The following IL17RC variants were observed in gnomAD, a reference collection of about 807,000 sequenced individuals.
IL17RC encodes the protein interleukin 17 receptor C.
In IL17RC, 53 loss-of-function variants were observed where a neutral mutation model predicts 86.7. The ratio of observed to expected loss-of-function variants is 0.61; its 90% CI spans 0.49 to 0.77. The LOEUF (loss-of-function observed/expected upper bound fraction) is 0.77, where lower values mean the gene tolerates loss of function less well. IL17RC is among the 30% of genes least tolerant of loss of function. IL17RC has a pLI of 0.00. For synonymous variants in IL17RC, 439 were observed against 413.1 expected, an observed-to-expected ratio of 1.06 and a Z score of -0.76; for missense variants, 957 against 940.0, an observed-to-expected ratio of 1.02 and a Z score of -0.24.
At position 9,933,242 on chromosome 3, in the gene IL17RC, C is replaced by G. The variant is rs181990653; in HGVS notation, c.1812C>G (p.Gly604=). 2,356 of 1,605,280 alleles carry G rather than the reference C, an allele frequency of 1.5e-3. 26 individuals are homozygous for G. In the Admixed American group the frequency reaches 0.019, roughly 13 times the overall value. Residue 604 remains glycine, a synonymous_variant, in exon 19 of 19, where the codon GGC becomes GGG. Coordinates refer to ENST00000403601, the MANE Select transcript of IL17RC (RefSeq NM_153460.4). The stretch of plus-strand genomic sequence containing the variant: ...GGGTGTCCGGGCCCGGGGCGCACGG[C>G]CCGCACGACGCCTTCCGCGCCTCGC... ...QDGVSGPGAH[G]PHDAFRASLS... is the part of the protein sequence containing the mutation.
chr3:9,918,297 G>A, intron 3 of IL17RC, 38 bp from the exon 4 acceptor site: 1 of 1,531,734 alleles, frequency 6.5e-7, no homozygotes, highest in Non-Finnish European at 8.9e-7. Flanking sequence ...CCCAGAGCAG[G>A]GGGCCTCACC....
In IL17RC at chr3:9,930,486, C is replaced by T; in HGVS notation, c.1338+27C>T. On this transcript the variant is annotated intron_variant, in intron 15 of 18. Coordinates refer to ENST00000403601, the MANE Select transcript of IL17RC (RefSeq NM_153460.4). The surrounding 1 kb of genome is among the most constrained non-coding windows in gnomAD (Gnocchi z 5.8). ...TGAGCTGGTGGAAGAAGGGCCCCAC[C>T]TCAATGCCTAGGGGCAACAGGCCTA... 6.2e-7 allele frequency: 1 copy of T among 1,610,130 alleles called. No homozygotes were observed. The highest frequency in any genetic ancestry group is 1.1e-5 in the South Asian group (1 of 90,948).
Position 9,932,960 on chromosome 3 carries a change from C to G in IL17RC, c.1530C>G (p.Ala510=). The change falls in exon 19 of 19, where the codon GCC becomes GCG. Residue 510 remains alanine (A), a synonymous_variant. Coordinates refer to ENST00000403601, the MANE Select transcript of IL17RC (RefSeq NM_153460.4). ...ATCTGTTTTCTCCGGCAGCGGCCGC[C>G]AGGGGCCGCGCGGCTCTGCTCCTCT... The part of the protein sequence containing the change: ...LKQDVRSGAA[A]RGRAALLLYS... The G allele has an allele frequency of 6.2e-7, 1 of 1,607,334 alleles. No homozygotes were observed. Among genetic ancestry groups the G allele is most frequent in the Non-Finnish European group, 8.5e-7 (1 of 1,178,324 alleles).
rs1447362730 is a variant in IL17RC, at chr3:9,928,654, G to C, written c.1110+24G>C. ...AGGTCAGAAAGGGGTGCATAGTGCTGGGCTGGAGGCTGGACCTGGGCAGAC... is the reference window on the plus strand; with the variant it reads ...AGGTCAGAAAGGGGTGCATAGTGCTCGGCTGGAGGCTGGACCTGGGCAGAC... On this transcript the variant is annotated intron_variant, in intron 12 of 18. Coordinates refer to ENST00000403601, the MANE Select transcript of IL17RC (RefSeq NM_153460.4). 1.9e-6 allele frequency: 3 copies of C among 1,613,158 alleles called. No homozygotes were observed. The South Asian group carries it at 3.3e-5, about 18-fold the overall frequency.
chr3:9,919,546 A>T (rs1486092162), intron 5 of IL17RC, among the ~76,000 whole-genome samples: 9 of 152,010 alleles, frequency 5.9e-5, no homozygotes, highest in African/African-American at 9.7e-5. Context: ...CTCGGGAGGC[A>T]GAGGCAGGAG....
chr3:9,928,870 T>C (rs559432279), intron 12 of IL17RC, among the ~76,000 whole-genome samples: 1 of 152,320 alleles, frequency 6.6e-6, no homozygotes, highest in Non-Finnish European at 1.5e-5. Context: ...GGAGTGGTTG[T>C]GACAATGAAA....
chr3:9,929,518 G>A, intron 12 of IL17RC: 7 of 373,272 alleles, frequency 1.9e-5, no homozygotes, highest in South Asian at 1.7e-4. Flanking sequence ...CATGGGAAAG[G>A]GATAAGGTGG....
Position 9,932,869 on chromosome 3 carries a change from G to A in IL17RC, c.1522+11G>A. Reference sequence around the variant, plus strand: ...ACGTCCGCTCGGGGGGTGAGTGGGAGCAAGCGCTGGGCGGAGGGCCGCCCC... The same window carrying A: ...ACGTCCGCTCGGGGGGTGAGTGGGAACAAGCGCTGGGCGGAGGGCCGCCCC... On this transcript the variant is annotated intron_variant, in intron 18 of 18. Coordinates refer to ENST00000403601, the MANE Select transcript of IL17RC (RefSeq NM_153460.4). 1 of 1,581,106 alleles carries A rather than the reference G, an allele frequency of 6.3e-7. No homozygotes were observed. Among genetic ancestry groups the A allele is most frequent in the African/African-American group, 1.4e-5 (1 of 73,586 alleles).
Position 9,920,950 on chromosome 3 carries a change from C to T in IL17RC, c.603C>T (p.Asn201=), listed in dbSNP as rs2083488676. The change falls in exon 7 of 19, where the codon AAC becomes AAT. Residue 201 remains asparagine, a synonymous_variant. Transcript: ENST00000403601. The part of the protein sequence containing the change: ...LPDCRGLEVW[N]SIPSCWALPW... ...ACTGCAGGGGGCTCGAAGTCTGGAACAGCATCCCGAGCTGCTGGGGTAGGG... is the reference window on the plus strand; with the variant it reads ...ACTGCAGGGGGCTCGAAGTCTGGAATAGCATCCCGAGCTGCTGGGGTAGGG... 6.2e-7 allele frequency: 1 copy of T among 1,600,830 alleles called. No individual in the cohort carries two copies. The highest frequency in any genetic ancestry group is 8.5e-7 in the Non-Finnish European group (1 of 1,175,668).
At chr3:9,928,026 C>A in intron 9 of IL17RC, 140 bp from the exon 10 acceptor site, 7 of 756,274 alleles carry the variant, frequency 9.3e-6, no homozygotes, top group Non-Finnish European at 1.4e-5. Context: ...GATGTGAGCA[C>A]CTCCAGGTTT....
chr3:9,932,495 G>C, intron 16 of IL17RC, 113 bp from the exon 17 acceptor site: 1 of 967,546 alleles, frequency 1.0e-6, no homozygotes, highest in Non-Finnish European at 1.7e-6. Context: ...CGAAGTGCTG[G>C]GATTATATAA....
chr3:9,918,479 C>A (rs1235572332), intron 4 of IL17RC, 21 bp from the exon 5 acceptor site: 1 of 1,611,000 alleles, frequency 6.2e-7, no homozygotes, highest in African/African-American at 1.3e-5. Context: ...GCCTGACTGA[C>A]CCCTGCCCTG....
rs774894712 is a variant in IL17RC at position 9,920,878 on chromosome 3, C to T, written c.578-47C>T. ...GGAGCCAAATTGCCCCCACTTCTTT[C>T]CTTGGCCCCCAGCCCCACTGGAGGC... is the stretch of plus-strand genomic sequence containing the variant. On this transcript the variant is annotated intron_variant, in intron 6 of 18. Coordinates refer to ENST00000403601, the MANE Select transcript of IL17RC (RefSeq NM_153460.4). 9.5e-6 allele frequency: 15 copies of T among 1,583,934 alleles called. No homozygotes were observed. In the South Asian group the frequency reaches 1.7e-4, roughly 18 times the overall value.
At chr3:9,924,102 C>T in intron 8 of IL17RC, 82 bp downstream of exon 8, 7 of 1,610,008 alleles carry the variant, frequency 4.3e-6, no homozygotes, top group Non-Finnish European at 5.9e-6. Context: ...CAGAGAGGAT[C>T]CTTGAAGAGG....
intron 9 of IL17RC, among the ~76,000 whole-genome samples, chr3:9,925,722 G>T (rs1273237269): frequency 6.6e-6 from 1 of 151,890 alleles, no homozygotes; most frequent in African/African-American, 2.4e-5. Flanking sequence ...CTTTTCTCAG[G>T]TGGTTCCCAT....
rs543963763 is a variant in IL17RC, at chr3:9,923,792, G to T, written c.623-89G>T. 92 of 1,429,918 alleles carry T rather than the reference G, an allele frequency of 6.4e-5. No homozygotes were observed. In the East Asian group the frequency reaches 2.1e-3, roughly 32 times the overall value. 88.6% of individuals were successfully genotyped at this position (1,429,918 alleles called of 1,614,324 possible). ...TGCCCTCCGAGAGCCTCCCAGTCTA[G>T]GGGGTTTGAAGGAAACTCCAAAGGG... On this transcript the variant is annotated intron_variant, in intron 7 of 18. Coordinates refer to ENST00000403601, the MANE Select transcript of IL17RC (RefSeq NM_153460.4).
chr3:9,920,440 C>A, intron 5 of IL17RC, 51 bp from the exon 6 acceptor site: 1 of 1,153,010 alleles, frequency 8.7e-7, no homozygotes, highest in Non-Finnish European at 1.3e-6. Context: ...CAGCCCTTGG[C>A]CTGGATTCTG....
At chr3:9,931,464 CACACACATATATATATAT>C (rs2084657786) in intron 16 of IL17RC, among the ~76,000 whole-genome samples, 1 of 10,812 alleles carries the variant, frequency 9.2e-5, no homozygotes, top group African/African-American at 1.1e-4. Flanking sequence ...CACACACACA[CACACACATATATATATAT>C]ATATATATAT....
In IL17RC at chr3:9,923,731, G is replaced by T. The variant is rs1458100432; in HGVS notation, c.623-150G>T. On this transcript the variant is annotated intron_variant, in intron 7 of 18. Transcript: ENST00000403601. ...CGGGCTTGGCTTTGGGCAGCTGCTA[G>T]GAGCAAAGTCTGGTCTGAAATGATG... 2 of 837,446 alleles carry T rather than the reference G, an allele frequency of 2.4e-6. 1 individual carries two copies. The highest frequency in any genetic ancestry group is 5.2e-5 in the East Asian group (2 of 38,604). The allele number at this position is 837,446 out of a possible 1,614,324, so 51.9% of individuals were successfully genotyped here.
Sources: gnomAD v4.1 joint callset for allele counts (sites outside exome capture counted in the v4.1 genomes callset) on GRCh38, gnomAD v4.1.1 for gene constraint, Gnocchi (gnomAD v3.1) non-coding constraint, MANE v1.5 for transcripts, NCBI Gene and HGNC (gene_info 2026-07-23, HGNC 2026-07-21) for gene names.